Variants in PACS2 observed in about 807,000 individuals in gnomAD.
PACS2 encodes PACS1-like protein.
Under a neutral mutation model 113.0 loss-of-function variants are expected in PACS2, and 36 were observed. The ratio of observed to expected loss-of-function variants is 0.32; its 90% confidence interval spans 0.24 to 0.42. The LOEUF (loss-of-function observed/expected upper bound fraction) is 0.42. Ranked by LOEUF, PACS2 falls within the 10% of genes least tolerant of loss-of-function variation. The pLI, the probability that PACS2 is intolerant of heterozygous loss-of-function variation, is 1.00. For synonymous variants in PACS2, 589 were observed against 536.1 expected, an observed-to-expected ratio of 1.10 and a Z score of -1.36; for missense variants, 1,015 against 1,239.5, an observed-to-expected ratio of 0.82 and a Z score of 2.72.
At position 105,381,061 on chromosome 14, in the gene PACS2, G is replaced by A. The variant is rs1555411891; in HGVS notation, c.1230G>A (p.Arg410=). 6.2e-7 allele frequency: 1 copy of A among 1,612,442 alleles called. No individual in the cohort carries two copies. The highest frequency in any genetic ancestry group is 2.2e-5 in the East Asian group (1 of 44,870). ...CGGAGAGGCTGCCGCCCAGCGGGAGGATCACCAAGACAGAGTCCCTTGTCA... is the reference window on the plus strand; with the variant it reads ...CGGAGAGGCTGCCGCCCAGCGGGAGAATCACCAAGACAGAGTCCCTTGTCA... ...VFTERLPPSG[R]ITKTESLVIP... The change falls in exon 12 of 25, where the codon AGG becomes AGA. Residue 410 remains arginine (R), a synonymous_variant. Coordinates refer to ENST00000447393, the MANE Select transcript of PACS2 (RefSeq NM_001100913.3).
Position 105,357,625 on chromosome 14 carries a change from G to A in PACS2, c.423+2448G>A, listed in dbSNP as rs370368185. Among the ~76,000 whole-genome samples, 11 of 152,290 alleles carry A rather than the reference G, an allele frequency of 7.2e-5. No homozygotes were observed. Among genetic ancestry groups the A allele is most frequent in the African/African-American group, 1.9e-4 (8 of 41,560 alleles). ...TTGGGGCTGGTTCCCACCTGTGAGCGTTGCTGGCTTGTTGAGAGTATGAGC... is the reference window on the plus strand; with the variant it reads ...TTGGGGCTGGTTCCCACCTGTGAGCATTGCTGGCTTGTTGAGAGTATGAGC... On this transcript the variant is annotated intron_variant, in intron 4 of 24. Coordinates refer to ENST00000447393, the MANE Select transcript of PACS2 (RefSeq NM_001100913.3). This position sits in a 1 kb window ranked among gnomAD's most constrained non-coding sequence, Gnocchi z 5.1.
At chr14:105,391,137 G>T (rs587715713) in intron 20 of PACS2, 70 bp from the exon 21 acceptor site, 3 of 1,215,610 alleles carry the variant, frequency 2.5e-6, no homozygotes, top group East Asian at 2.3e-5. Context: ...GGAGGCGGGA[G>T]CCCCACTGGG....
intron 14 of PACS2, 42 bp from the exon 15 acceptor site, chr14:105,382,765 G>T: frequency 7.7e-7 from 1 of 1,305,220 alleles, no homozygotes; most frequent in South Asian, 1.2e-5. Flanking sequence ...GGGGTGGCCT[G>T]GGCGGCTGTG....
intron 1 of PACS2, among the ~76,000 whole-genome samples, chr14:105,307,921 G>A (rs1248983416): frequency 1.3e-5 from 2 of 152,062 alleles, no homozygotes; most frequent in Admixed American, 6.6e-5. Context: ...AGTGGCTCAC[G>A]CCTGTCATCC....
At chr14:105,314,022 A>G (rs1422678722), upstream of PACS2, among the ~76,000 whole-genome samples, 1 of 152,264 alleles carries the variant, frequency 6.6e-6, no homozygotes, top group Non-Finnish European at 1.5e-5. Flanking sequence ...GCGGCGCTGA[A>G]TAAGGATGCT....
intron 18 of PACS2, 128 bp from the exon 19 acceptor site, chr14:105,385,557 C>T (rs587734735): frequency 8.8e-6 from 5 of 568,002 alleles, no homozygotes; most frequent in East Asian, 3.0e-5. Flanking sequence ...GCAAAGCCAG[C>T]GCTCACGGGC....
At chr14:105,320,633 C>G (rs988833394) in intron 1 of PACS2, among the ~76,000 whole-genome samples, 1 of 152,152 alleles carries the variant, frequency 6.6e-6, no homozygotes, top group African/African-American at 2.4e-5. Context: ...GTGAGCCTCC[C>G]TACCTGCCCA....
At chr14:105,368,299 C>T (rs1415197389) in intron 6 of PACS2, 152 bp downstream of exon 6, 1 of 819,014 alleles carries the variant, frequency 1.2e-6, no homozygotes, top group Admixed American at 2.3e-5. Flanking sequence ...CGTCTCCCGA[C>T]CCCAGGGGCC....
rs145014947 is a variant in PACS2 at position 105,342,563 on chromosome 14, C to T, written c.120-5930C>T. On this transcript the variant is annotated intron_variant, in intron 1 of 24. Coordinates refer to ENST00000447393, the MANE Select transcript of PACS2 (RefSeq NM_001100913.3). ...GGATTACAGGCATGATTGTGCCCAGCCACAGTAGAGCTTCTTGTTTGCAGT... is the reference window on the plus strand; with the variant it reads ...GGATTACAGGCATGATTGTGCCCAGTCACAGTAGAGCTTCTTGTTTGCAGT... Among the ~76,000 whole-genome samples, 8 of 152,132 alleles carry T rather than the reference C, an allele frequency of 5.3e-5. No individual in the cohort carries two copies. The East Asian group carries it at 9.7e-4, about 18-fold the overall frequency.
At chr14:105,394,121 C>CT in intron 24 of PACS2, 2 of 838,242 alleles carry the variant, frequency 2.4e-6, no homozygotes, top group Non-Finnish European at 2.9e-6. Context: ...AGGCTTTCCT[C>CT]TTTTTGAGCA....
Position 105,394,681 on chromosome 14 carries a change from A to T in PACS2, c.*9A>T, listed in dbSNP as rs2081485572. 1 of 1,565,326 alleles carries T rather than the reference A, an allele frequency of 6.4e-7. No homozygotes were observed. Among genetic ancestry groups the T allele is most frequent in the South Asian group, 1.1e-5 (1 of 90,226 alleles). On this transcript the variant is annotated 3_prime_UTR_variant, in exon 25 of 25. Transcript: ENST00000447393. ...CCAAGGCCACCTTCTAGCCCCACCC[A>T]CCAGGGGGCCCACCTCCTGCCCCAT...
upstream of PACS2, among the ~76,000 whole-genome samples, chr14:105,311,526 A>G (rs998461428): frequency 6.6e-6 from 1 of 152,170 alleles, no homozygotes; most frequent in Non-Finnish European, 1.5e-5. Context: ...AAGTGCTGGG[A>G]TTACAGGTGT....
At chr14:105,362,189 T>C (rs113105259) in intron 4 of PACS2, among the ~76,000 whole-genome samples, 19,047 of 150,080 alleles carry the variant, frequency 0.13, 1,589 homozygotes, top group African/African-American at 0.24. Flanking sequence ...GAGGCCACGG[T>C]GGGCGGATCA....
Position 105,381,238 on chromosome 14 carries a change from G to T in PACS2, c.1268+139G>T. ...GTGTAGACAGCAGATTCAGGGCCTC[G>T]TCCTTCTTAAAAAGGAGAAGCAAAC... On this transcript the variant is annotated intron_variant, in intron 12 of 24. Coordinates refer to ENST00000447393, the MANE Select transcript of PACS2 (RefSeq NM_001100913.3). 4.4e-6 allele frequency: 3 copies of T among 674,590 alleles called. No individual in the cohort carries two copies. In the South Asian group the frequency reaches 7.3e-5, roughly 16 times the overall value. The allele number at this position is 674,590 out of a possible 1,614,324, so 41.8% of individuals were successfully genotyped here.
chr14:105,349,811 TAGC>T (rs1320976316), intron 2 of PACS2, among the ~76,000 whole-genome samples: 1 of 151,958 alleles, frequency 6.6e-6, no homozygotes, highest in African/African-American at 2.4e-5. Flanking sequence ...GTGTGGCTAA[TAGC>T]AGGACCCCAA....
intron 1 of PACS2, among the ~76,000 whole-genome samples, chr14:105,320,501 G>C (rs587741074): frequency 6.6e-6 from 1 of 152,166 alleles, no homozygotes; most frequent in South Asian, 2.1e-4. Flanking sequence ...CATGCCACTG[G>C]CCTGGCTAAT....
intron 4 of PACS2, among the ~76,000 whole-genome samples, chr14:105,362,730 A>G (rs1209121190): frequency 1.3e-5 from 2 of 151,954 alleles, no homozygotes; most frequent in East Asian, 1.9e-4. Context: ...GGGCCCCTGT[A>G]ATCCCAGCTA....
At chr14:105,359,866 C>T (rs782148630) in intron 4 of PACS2, among the ~76,000 whole-genome samples, 4 of 152,238 alleles carry the variant, frequency 2.6e-5, no homozygotes, top group Non-Finnish European at 5.9e-5. Flanking sequence ...GCTGGGATTA[C>T]AGGCGTGAGC....
intron 1 of PACS2, among the ~76,000 whole-genome samples, chr14:105,316,353 C>T (rs2058629319): frequency 6.6e-6 from 1 of 152,252 alleles, no homozygotes; most frequent in Non-Finnish European, 1.5e-5. Context: ...AGCATCTCCC[C>T]AGGCCTGGCT....
Sources: allele counts gnomAD v4.1 joint callset (sites outside exome capture counted in the v4.1 genomes callset), GRCh38; gene constraint gnomAD v4.1.1; non-coding constraint Gnocchi (gnomAD v3.1); transcripts MANE v1.5; gene names NCBI Gene and HGNC (gene_info 2026-07-23, HGNC 2026-07-21).